The following KCNIP4 variants were observed in gnomAD, a reference collection of about 807,000 sequenced individuals.
KCNIP4 encodes the protein Kv channel-interacting protein 4.
Under a neutral mutation model 34.0 loss-of-function variants are expected in KCNIP4, and 12 were observed. The observed-to-expected ratio is 0.35, with a 90% CI of 0.23 to 0.57. The LOEUF is 0.57. KCNIP4 is among the 20% of genes least tolerant of loss of function. The pLI, the probability that KCNIP4 is intolerant of heterozygous loss-of-function variation, is 0.83. For synonymous variants in KCNIP4, 124 were observed against 102.2 expected, an observed-to-expected ratio of 1.21 and a Z score of -1.29; for missense variants, 238 against 311.7, an observed-to-expected ratio of 0.76 and a Z score of 1.78.
At chr4:20,898,775 T>C (rs190578968) in intron 1 of KCNIP4, among the ~76,000 whole-genome samples, 1 of 152,290 alleles carries the variant, frequency 6.6e-6, no homozygotes, top group Admixed American at 6.5e-5. Context: ...CTATATCGTA[T>C]CTATCTATCT....
At chr4:21,017,473 C>T (rs532065671) in intron 1 of KCNIP4, among the ~76,000 whole-genome samples, 15 of 152,214 alleles carry the variant, frequency 9.9e-5, no homozygotes, top group East Asian at 7.8e-4. Context: ...TAGTTTGCTG[C>T]GGATAATGGC....
intron 1 of KCNIP4, among the ~76,000 whole-genome samples, chr4:21,823,219 C>CAGT (rs1722474630): frequency 6.6e-6 from 1 of 152,126 alleles, no homozygotes; most frequent in African/African-American, 2.4e-5. Context: ...ATCTTTCATA[C>CAGT]AAGAGCTACT....
chr4:21,915,752 G>A (rs1304199216), intron 1 of KCNIP4, among the ~76,000 whole-genome samples: 2 of 152,170 alleles, frequency 1.3e-5, no homozygotes, highest in African/African-American at 4.8e-5. Context: ...CTCTTTCTAC[G>A]ATTTGTCAAA....
intron 1 of KCNIP4, among the ~76,000 whole-genome samples, chr4:21,522,661 G>A (rs1278576107): frequency 2.0e-5 from 3 of 151,878 alleles, no homozygotes; most frequent in Non-Finnish European, 4.4e-5. Flanking sequence ...AAAATCATGA[G>A]CTCTGGAGAT....
chr4:21,558,650 A>G (rs189392049), intron 1 of KCNIP4, among the ~76,000 whole-genome samples: 1 of 152,132 alleles, frequency 6.6e-6, no homozygotes, highest in Admixed American at 6.5e-5. Flanking sequence ...AAGAAAAAAA[A>G]TCCATGTCCA....
intron 1 of KCNIP4, among the ~76,000 whole-genome samples, chr4:21,831,101 G>A (rs1722958998): frequency 6.6e-6 from 1 of 152,098 alleles, no homozygotes; most frequent in South Asian, 2.1e-4. Context: ...AAAATATCTT[G>A]AGACTTACAA....
intron 1 of KCNIP4, among the ~76,000 whole-genome samples, chr4:21,560,830 T>G (rs1219406870): frequency 6.6e-6 from 1 of 151,884 alleles, no homozygotes; most frequent in Middle Eastern, 3.2e-3. Flanking sequence ...TGTAACCCTC[T>G]AGGAGGGTTC....
At chr4:21,279,498 T>TAC (rs1159865480) in intron 1 of KCNIP4, among the ~76,000 whole-genome samples, 1 of 145,330 alleles carries the variant, frequency 6.9e-6, no homozygotes, top group Non-Finnish European at 1.5e-5. Flanking sequence ...TATATATATA[T>TAC]ATACATACAT....
intron 1 of KCNIP4, among the ~76,000 whole-genome samples, chr4:21,578,248 G>C (rs182803948): frequency 5.4e-4 from 77 of 142,642 alleles, no homozygotes; most frequent in African/African-American, 1.9e-3. Flanking sequence ...GCAGAGAATT[G>C]CCTGAACCCG....
At chr4:21,597,420 A>G (rs1443881097) in intron 1 of KCNIP4, among the ~76,000 whole-genome samples, 3 of 152,120 alleles carry the variant, frequency 2.0e-5, no homozygotes, top group Admixed American at 6.6e-5. Context: ...TGTCTTTATC[A>G]GCAGTGTGAA....
At chr4:21,540,284 A>T (rs1410959936) in intron 1 of KCNIP4, among the ~76,000 whole-genome samples, 1 of 152,194 alleles carries the variant, frequency 6.6e-6, no homozygotes, top group Non-Finnish European at 1.5e-5. Flanking sequence ...ATTTAAAAGA[A>T]GAAGTTCTAC....
chr4:21,155,445 T>A lies in KCNIP4; in HGVS notation c.62-272736A>T, dbSNP rs2322873. 3.8e-3 allele frequency among the ~76,000 whole-genome samples: 580 copies of A among 152,112 alleles called. 3 individuals carry two copies. Among genetic ancestry groups the A allele is most frequent in the South Asian group, 6.0e-3 (29 of 4,818 alleles). On this transcript the variant is annotated intron_variant, in intron 1 of 8. Coordinates refer to ENST00000382152, the MANE Select transcript of KCNIP4 (RefSeq NM_025221.6). ...AAGAGAAGGTTGAAGTGAAGAATCT[T>A]CTCTGGAGGGTATGGAAAGACGTTT...
chr4:21,808,071 C>G (rs950314366), intron 1 of KCNIP4, among the ~76,000 whole-genome samples: 2 of 152,078 alleles, frequency 1.3e-5, no homozygotes, highest in Admixed American at 6.5e-5. Context: ...TTATTTCACT[C>G]AGAATGTATA....
intron 1 of KCNIP4, among the ~76,000 whole-genome samples, chr4:21,274,460 A>C (rs1222581611): frequency 1.3e-5 from 2 of 152,190 alleles, no homozygotes; most frequent in Non-Finnish European, 2.9e-5. Flanking sequence ...AAACCAACGG[A>C]GCTAAGAGGA....
At chr4:21,124,248 G>A (rs565494217) in intron 1 of KCNIP4, among the ~76,000 whole-genome samples, 79 of 152,198 alleles carry the variant, frequency 5.2e-4, no homozygotes, top group African/African-American at 1.7e-3. Context: ...GAATGAGAAA[G>A]AAAAAGGCAA....
intron 1 of KCNIP4, among the ~76,000 whole-genome samples, chr4:20,904,395 C>T (rs2149557342): frequency 6.7e-6 from 1 of 150,178 alleles, no homozygotes; most frequent in South Asian, 2.1e-4. Flanking sequence ...GTTATATGGG[C>T]ATAAAAATTT....
intron 1 of KCNIP4, among the ~76,000 whole-genome samples, chr4:21,707,236 G>C (rs1713351217): frequency 6.6e-6 from 1 of 152,194 alleles, no homozygotes; most frequent in South Asian, 2.1e-4. Context: ...ATCATTGATA[G>C]ATATGAGGAT....
intron 1 of KCNIP4, among the ~76,000 whole-genome samples, chr4:21,872,158 G>A (rs1416629437): frequency 1.3e-5 from 2 of 152,004 alleles, no homozygotes; most frequent in East Asian, 1.9e-4. Flanking sequence ...GAGCCAGAAG[G>A]ACCCAGCTGA....
At chr4:20,782,380 C>G (rs1414132688) in intron 3 of KCNIP4, among the ~76,000 whole-genome samples, 1 of 152,196 alleles carries the variant, frequency 6.6e-6, no homozygotes, top group Non-Finnish European at 1.5e-5. Context: ...ATCCCTTCTG[C>G]ACTGCCCTAG....
Sources: allele counts gnomAD v4.1 joint callset (sites outside exome capture counted in the v4.1 genomes callset), GRCh38; gene constraint gnomAD v4.1.1; transcripts MANE v1.5; gene names NCBI Gene and HGNC (gene_info 2026-07-23, HGNC 2026-07-21).